Variants in UBAC1 observed in about 807,000 individuals in gnomAD.
UBAC1 encodes the protein ubiquitin-associated domain-containing protein 1.
A neutral mutation model predicts 45.9 loss-of-function variants in UBAC1; 27 were observed. That is an observed-to-expected ratio of 0.59 (90% confidence interval 0.43 to 0.81). UBAC1 has a LOEUF of 0.81. UBAC1 is among the 30% of genes least tolerant of loss of function. The pLI is 0.00. For missense variants in UBAC1, 529 were observed against 539.2 expected (o/e 0.98, Z 0.19); for synonymous variants, 227 against 215.5 (o/e 1.05, Z -0.47).
intron 3 of UBAC1, among the ~76,000 whole-genome samples, chr9:135,949,224 C>T (rs1457027895): frequency 6.6e-6 from 1 of 152,110 alleles, no homozygotes; most frequent in African/African-American, 2.4e-5. Flanking sequence ...AAACATGTTA[C>T]AGCCAGATCA....
intron 1 of UBAC1, among the ~76,000 whole-genome samples, chr9:135,955,668 T>A (rs971646143): frequency 6.6e-6 from 1 of 152,216 alleles, no homozygotes; most frequent in Admixed American, 6.5e-5. Flanking sequence ...CACACCCTAC[T>A]GACAATTCGC....
At chr9:135,947,504 C>T (rs1272964951) in intron 4 of UBAC1, 3 of 318,508 alleles carry the variant, frequency 9.4e-6, no homozygotes, top group Admixed American at 5.0e-5. Context: ...CCACCCGCTT[C>T]GGGTTCAGAA....
intron 2 of UBAC1, among the ~76,000 whole-genome samples, chr9:135,954,161 A>G (rs901047308): frequency 6.7e-6 from 1 of 148,412 alleles, no homozygotes; most frequent in African/African-American, 2.5e-5. Flanking sequence ...AAAAAAGAAG[A>G]AGAGCAGGGC....
intron 6 of UBAC1, 68 bp downstream of exon 6, chr9:135,945,821 C>T (rs1193864342): frequency 1.1e-5 from 14 of 1,317,908 alleles, no homozygotes; most frequent in East Asian, 7.1e-5. Flanking sequence ...ACGTCACCCA[C>T]GGTGGGAGCC....
In UBAC1 at chr9:135,945,946, T is replaced by C. The variant is rs780195283; in HGVS notation, c.596A>G (p.Gln199Arg). ...CTCCGGAAAGCCCATCTCCGTGAGC[T>C]GCCGCAGGGCAGCCTCGTCCACACG... ...DERVDEAALR[Q>R]LTEMGFPENR... Residue 199 changes from glutamine to arginine, a missense_variant, in exon 6 of 10, where the codon CAG becomes CGG. By Grantham distance (43) the Gln-to-Arg change is conservative. Transcript: ENST00000371756. 3.1e-6 allele frequency: 5 copies of C among 1,613,938 alleles called. No individual in the cohort carries two copies. The Admixed American group carries it at 8.3e-5, about 27-fold the overall frequency.
Position 135,933,126 on chromosome 9 carries a change from C to G in UBAC1, c.*274G>C. Reference sequence around the variant, plus strand: ...GCAATTCAAGCAGCAACTCAAGAGCCCAGAGGAGCACTGGAGACGAGGCCA... The same window carrying G: ...GCAATTCAAGCAGCAACTCAAGAGCGCAGAGGAGCACTGGAGACGAGGCCA... On this transcript the variant is annotated 3_prime_UTR_variant, in exon 10 of 10. Coordinates refer to ENST00000371756, the MANE Select transcript of UBAC1 (RefSeq NM_016172.3). The G allele has an allele frequency of 2.4e-6, 1 of 408,206 alleles. No homozygotes were observed. The highest frequency in any genetic ancestry group is 3.5e-5 in the South Asian group (1 of 28,896). The allele number at this position is 408,206 out of a possible 1,614,324, so 25.3% of individuals were successfully genotyped here.
At position 135,945,305 on chromosome 9, in the gene UBAC1, G is replaced by A. The variant is rs556854787; in HGVS notation, c.654-55C>T. ...CCCAGACTAACGGACCAGGGCCTTC[G>A]CCTCCTGTCCATTCCCAAGAAGAGC... On this transcript the variant is annotated intron_variant, in intron 6 of 9. Coordinates refer to ENST00000371756, the MANE Select transcript of UBAC1 (RefSeq NM_016172.3). The A allele has an allele frequency of 1.9e-4, 276 of 1,435,480 alleles. 1 individual carries two copies. Among genetic ancestry groups the A allele is most frequent in the South Asian group, 4.4e-4 (31 of 71,256 alleles). 88.9% of individuals were successfully genotyped at this position (1,435,480 alleles called of 1,614,324 possible).
chr9:135,954,928 G>A (rs1200110778), intron 2 of UBAC1, among the ~76,000 whole-genome samples: 1 of 152,200 alleles, frequency 6.6e-6, no homozygotes, highest in Non-Finnish European at 1.5e-5. Flanking sequence ...AAAACCATAA[G>A]CAATTACATG....
At chr9:135,949,540 G>T (rs2131090157) in intron 3 of UBAC1, among the ~76,000 whole-genome samples, 1 of 152,336 alleles carries the variant, frequency 6.6e-6, no homozygotes, top group South Asian at 2.1e-4. Context: ...GCTGGTGCAG[G>T]GAGGAGCGGC....
At position 135,945,243 on chromosome 9, in the gene UBAC1, C is replaced by A; in HGVS notation, c.661G>T (p.Val221Leu). 1 of 1,584,182 alleles carries A rather than the reference C, an allele frequency of 6.3e-7. No individual in the cohort carries two copies. The highest frequency in any genetic ancestry group is 1.4e-5 in the African/African-American group (1 of 73,978). Residue 221 changes from valine (V) to leucine (L), a missense_variant, in exon 7 of 10, where the codon GTG becomes TTG. By Grantham distance (32) the Val-to-Leu change is conservative. Coordinates refer to ENST00000371756, the MANE Select transcript of UBAC1 (RefSeq NM_016172.3). ...TKALQLNHMS[V>L]PQAMEWLIEH... ...ATTAGCCACTCCATGGCCTGAGGCA[C>A]CGACATGCTGCAAGGCAAGAGACTC...
Position 135,961,332 on chromosome 9 carries a change from T to A in UBAC1, c.-170A>T. The A allele has an allele frequency of 5.3e-6, 2 of 375,340 alleles. No homozygotes were observed. Among genetic ancestry groups the A allele is most frequent in the Non-Finnish European group, 7.4e-6 (2 of 271,490 alleles). The allele number at this position is 375,340 out of a possible 1,614,324, so 23.3% of individuals were successfully genotyped here. A position where few individuals can be genotyped will look rare whatever the true frequency, so the allele number is the denominator to read the frequency against. ...CCGTCACTCTCCGCGGCCTCAGCGG[T>A]CGCCTCGCTCCCGCCGCCGCAGCAG... On this transcript the variant is annotated 5_prime_UTR_variant, in exon 1 of 10. Coordinates refer to ENST00000371756, the MANE Select transcript of UBAC1 (RefSeq NM_016172.3).
intron 8 of UBAC1, among the ~76,000 whole-genome samples, chr9:135,939,328 A>G (rs933714589): frequency 1.1e-4 from 17 of 152,184 alleles, no homozygotes; most frequent in Admixed American, 1.1e-3. Context: ...CCATCTATCC[A>G]ATTGTCTCAC....
At chr9:135,933,592 G>A (rs765365824) in intron 9 of UBAC1, 77 bp from the exon 10 acceptor site, 37 of 1,029,466 alleles carry the variant, frequency 3.6e-5, no homozygotes, top group East Asian at 7.1e-5. Flanking sequence ...TTTCCTCTTC[G>A]GCAGCTTCCT....
In UBAC1 at chr9:135,933,427, T is replaced by C; in HGVS notation, c.1191A>G (p.Arg397=). The C allele has an allele frequency of 6.2e-7, 1 of 1,614,116 alleles. No individual in the cohort carries two copies. Among genetic ancestry groups the C allele is most frequent in the Non-Finnish European group, 8.5e-7 (1 of 1,180,008 alleles). Residue 397 remains arginine (R), a synonymous_variant, in exon 10 of 10, where the codon AGA becomes AGG. Coordinates refer to ENST00000371756, the MANE Select transcript of UBAC1 (RefSeq NM_016172.3). ...ETGPVMLQIS[R]IFQTLNRT ...ACGTGCGATTTAGTGTCTGGAAGAT[T>C]CTAGAGATCTGCAGCATGACAGGCC...
intron 3 of UBAC1, among the ~76,000 whole-genome samples, chr9:135,952,446 C>T (rs934636074): frequency 6.6e-6 from 1 of 152,260 alleles, no homozygotes; most frequent in African/African-American, 2.4e-5. Context: ...TCAGGCCCTG[C>T]TGTGGGGTAG....
chr9:135,948,046 G>C (rs1220400881), intron 3 of UBAC1, 141 bp from the exon 4 acceptor site: 1 of 707,910 alleles, frequency 1.4e-6, no homozygotes, highest in Non-Finnish European at 2.3e-6. Context: ...GATGAGCTGG[G>C]GGAGCCTGGA....
chr9:135,937,826 C>A (rs746204797), intron 9 of UBAC1, among the ~76,000 whole-genome samples: 5 of 152,224 alleles, frequency 3.3e-5, no homozygotes, highest in Non-Finnish European at 5.9e-5. Context: ...GTACGTATCT[C>A]ACAATAAAAA....
In UBAC1 at chr9:135,946,180, C is replaced by G. The variant is rs1380852971; in HGVS notation, c.544+89G>C. 17 of 1,101,920 alleles carry G rather than the reference C, an allele frequency of 1.5e-5. No homozygotes were observed. In the South Asian group the frequency reaches 1.9e-4, roughly 13 times the overall value. 68.3% of individuals were successfully genotyped at this position (1,101,920 alleles called of 1,614,324 possible). A position where few individuals can be genotyped will look rare whatever the true frequency, so the allele number is the denominator to read the frequency against. ...AGCGCTTCCATAAAGCACTGAGGTT[C>G]CGGTCAGTGGTCAGTGCGTGGAGCT... On this transcript the variant is annotated intron_variant, in intron 5 of 9. Coordinates refer to ENST00000371756, the MANE Select transcript of UBAC1 (RefSeq NM_016172.3).
intron 2 of UBAC1, 176 bp from the exon 3 acceptor site, chr9:135,953,929 A>G: frequency 2.5e-6 from 1 of 396,352 alleles, no homozygotes; most frequent in East Asian, 4.6e-5. Context: ...ACCTGAGGTC[A>G]GGTGTTCAAG....
Sources: allele counts gnomAD v4.1 joint callset (sites outside exome capture counted in the v4.1 genomes callset), GRCh38; gene constraint gnomAD v4.1.1; transcripts MANE v1.5; gene names NCBI Gene and HGNC (gene_info 2026-07-23, HGNC 2026-07-21).